The following NCKAP5 variants were observed in gnomAD, a reference collection of about 807,000 sequenced individuals.
NCKAP5 encodes NCK associated protein 5.
NCKAP5 carries 92 observed loss-of-function variants against 167.0 expected under a neutral mutation model. The ratio of observed to expected loss-of-function variants is 0.55; its 90% CI spans 0.47 to 0.66. The LOEUF (loss-of-function observed/expected upper bound fraction) is 0.66, where lower values mean the gene tolerates loss of function less well. Ranked by LOEUF, NCKAP5 falls within the 30% of genes least tolerant of loss-of-function variation. NCKAP5 has a pLI of 0.00. For synonymous variants in NCKAP5, 891 were observed against 877.4 expected, an observed-to-expected ratio of 1.02 and a Z score of -0.27; for missense variants, 2,378 against 2,315.0, an observed-to-expected ratio of 1.03 and a Z score of -0.56.
intron 4 of NCKAP5, among the ~76,000 whole-genome samples, chr2:133,293,058 C>T (rs1679714891): frequency 6.6e-6 from 1 of 152,178 alleles, no homozygotes; most frequent in South Asian, 2.1e-4. Context: ...CTCTGGGAAG[C>T]CTTCTTTGGA....
At chr2:133,300,404 G>A (rs1680301221) in intron 4 of NCKAP5, among the ~76,000 whole-genome samples, 1 of 117,348 alleles carries the variant, frequency 8.5e-6, no homozygotes, top group Admixed American at 8.1e-5. Flanking sequence ...ACCGAATCCA[G>A]CAGCACATCA....
chr2:132,954,798 A>G (rs2076292124), intron 8 of NCKAP5: 2 of 420,464 alleles, frequency 4.8e-6, no homozygotes, highest in Non-Finnish European at 9.5e-6. Context: ...GATTTTTCCA[A>G]TTTTCTGTAA....
At position 132,970,605 on chromosome 2, in the gene NCKAP5, G is replaced by T. The variant is rs77986025; in HGVS notation, c.430-6736C>A. Among the ~76,000 whole-genome samples the T allele has an allele frequency of 9.1e-3, 1,380 of 152,264 alleles. 18 individuals are homozygous for T. The highest frequency in any genetic ancestry group is 0.032 in the African/African-American group (1,322 of 41,540). On this transcript the variant is annotated intron_variant, in intron 7 of 19. Coordinates refer to ENST00000409261, the MANE Select transcript of NCKAP5 (RefSeq NM_207363.3). ...AGAAAGCTAAAGATTTAGGAGCTCA[G>T]TTTGCATCGAAGGGTTTATATTAAA... is the stretch of plus-strand genomic sequence containing the variant.
chr2:133,392,141 G>T (rs538696761), intron 3 of NCKAP5, among the ~76,000 whole-genome samples: 1 of 152,274 alleles, frequency 6.6e-6, no homozygotes, highest in African/African-American at 2.4e-5. Flanking sequence ...TGGACACTTG[G>T]ATCAATGACA....
At position 133,562,122 on chromosome 2, in the gene NCKAP5, A is replaced by G. The variant is rs192860341; in HGVS notation, c.-129-3005T>C. 3.8e-3 allele frequency among the ~76,000 whole-genome samples: 575 copies of G among 152,160 alleles called. 6 individuals are homozygous for G. Among genetic ancestry groups the G allele is most frequent in the African/African-American group, 0.013 (547 of 41,530 alleles). On this transcript the variant is annotated intron_variant, in intron 1 of 19. Transcript: ENST00000409261. ...ACATACACACAGAAACATATGATTTAGGAATATTACATAAAAACAGCTGAA... is the reference window on the plus strand; with the variant it reads ...ACATACACACAGAAACATATGATTTGGGAATATTACATAAAAACAGCTGAA...
intron 5 of NCKAP5, among the ~76,000 whole-genome samples, chr2:133,179,002 C>CA (rs1216062911): frequency 3.3e-5 from 5 of 151,848 alleles, no homozygotes; most frequent in African/African-American, 1.2e-4. Context: ...CTTATCTCTA[C>CA]AAAAAATATT....
intron 4 of NCKAP5, among the ~76,000 whole-genome samples, chr2:133,294,882 C>G (rs981940037): frequency 6.6e-6 from 1 of 151,976 alleles, no homozygotes; most frequent in African/African-American, 2.4e-5. Flanking sequence ...AAGGGATGAG[C>G]CTTAGAGGAT....
intron 3 of NCKAP5, among the ~76,000 whole-genome samples, chr2:133,512,179 T>C (rs2151424780): frequency 6.6e-6 from 1 of 152,344 alleles, no homozygotes; most frequent in South Asian, 2.1e-4. Flanking sequence ...TTAGAAAAAG[T>C]ATCCGCAAGG....
chr2:133,546,713 G>A (rs968707400), intron 2 of NCKAP5, among the ~76,000 whole-genome samples: 1 of 152,136 alleles, frequency 6.6e-6, no homozygotes, highest in Non-Finnish European at 1.5e-5. Context: ...AAAACACTTG[G>A]TGTAAAACCA....
At chr2:132,949,798 T>C (rs1018775186) in intron 8 of NCKAP5, among the ~76,000 whole-genome samples, 1 of 152,132 alleles carries the variant, frequency 6.6e-6, no homozygotes, top group African/African-American at 2.4e-5. Context: ...ATGGAATAAA[T>C]ACATTAACGT....
intron 1 of NCKAP5, among the ~76,000 whole-genome samples, 185 bp downstream of exon 1, chr2:133,568,031 C>G (rs542074951): frequency 3.3e-5 from 5 of 152,304 alleles, no homozygotes; most frequent in African/African-American, 1.2e-4. Context: ...AAGGGGTCCT[C>G]TACCCCTAAT....
Position 133,141,893 on chromosome 2 carries a change from C to T in NCKAP5, c.208-11782G>A, listed in dbSNP as rs1455774205. ...CCTTGTTAGCAAATGCAAACTTTTA[C>T]ATTTTATCATGCTGCTAAAAGGTCA... On this transcript the variant is annotated intron_variant, in intron 5 of 19. Transcript: ENST00000409261. Among the ~76,000 whole-genome samples, 4 of 152,180 alleles carry T rather than the reference C, an allele frequency of 2.6e-5. No individual in the cohort carries two copies. In the East Asian group the frequency reaches 7.7e-4, roughly 29 times the overall value.
intron 5 of NCKAP5, among the ~76,000 whole-genome samples, chr2:133,136,039 T>C (rs1395210895): frequency 6.6e-6 from 1 of 152,184 alleles, no homozygotes; most frequent in Admixed American, 6.5e-5. Context: ...GAAAACACAT[T>C]TTAAATATGA....
At chr2:133,029,760 A>C (rs1308973194) in intron 6 of NCKAP5, among the ~76,000 whole-genome samples, 1 of 152,206 alleles carries the variant, frequency 6.6e-6, no homozygotes, top group Non-Finnish European at 1.5e-5. Context: ...GCTAGGGGAC[A>C]CAAAAAAGAA....
At chr2:133,419,995 A>G (rs969857949) in intron 3 of NCKAP5, among the ~76,000 whole-genome samples, 8 of 152,202 alleles carry the variant, frequency 5.3e-5, no homozygotes, top group African/African-American at 1.9e-4. Context: ...TTCTGAAGGA[A>G]AGTGATGACC....
rs1390098563 is a variant in NCKAP5 at position 133,543,406 on chromosome 2, T to G, written c.-62+15644A>C. On this transcript the variant is annotated intron_variant, in intron 2 of 19. Coordinates refer to ENST00000409261, the MANE Select transcript of NCKAP5 (RefSeq NM_207363.3). ...AGCCTCTGGTATTCCTTTATAGCAA[T>G]GCAAAATGGACTAATACAAGGTACT... Among the ~76,000 whole-genome samples, 4 of 152,296 alleles carry G rather than the reference T, an allele frequency of 2.6e-5. No individual in the cohort carries two copies. The East Asian group carries it at 5.8e-4, about 22-fold the overall frequency.
intron 3 of NCKAP5, among the ~76,000 whole-genome samples, chr2:133,484,351 G>C (rs1029504036): frequency 3.9e-5 from 6 of 152,292 alleles, no homozygotes; most frequent in African/African-American, 1.4e-4. Context: ...AGAGTCCACT[G>C]CTGGTGTTTC....
intron 4 of NCKAP5, among the ~76,000 whole-genome samples, chr2:133,229,779 T>G (rs1428045507): frequency 6.6e-6 from 1 of 152,114 alleles, no homozygotes; most frequent in Non-Finnish European, 1.5e-5. Flanking sequence ...TTATATTACA[T>G]ATAATTGTTC....
At chr2:133,389,414 G>A (rs1202420680) in intron 3 of NCKAP5, among the ~76,000 whole-genome samples, 1 of 152,164 alleles carries the variant, frequency 6.6e-6, no homozygotes, top group African/African-American at 2.4e-5. Flanking sequence ...AGGCAGAGAT[G>A]CCAACTACAT....
Sources: allele counts gnomAD v4.1 joint callset (sites outside exome capture counted in the v4.1 genomes callset), GRCh38; gene constraint gnomAD v4.1.1; transcripts MANE v1.5; gene names NCBI Gene and HGNC (gene_info 2026-07-23, HGNC 2026-07-21).